SLC7A6: variants seen among roughly 807,000 people sequenced by gnomAD.
SLC7A6 encodes the protein Y+L amino acid transporter 2.
Under a neutral mutation model 46.6 loss-of-function variants are expected in SLC7A6, and 29 were observed. The ratio of observed to expected loss-of-function variants is 0.62; its 90% CI spans 0.46 to 0.85. SLC7A6 has a LOEUF of 0.85. SLC7A6 is among the 40% of genes least tolerant of loss of function. SLC7A6 has a pLI of 0.00. For synonymous variants in SLC7A6, 276 were observed against 257.3 expected, an observed-to-expected ratio of 1.07 and a Z score of -0.70; for missense variants, 527 against 647.6, an observed-to-expected ratio of 0.81 and a Z score of 2.02.
Position 68,287,205 on chromosome 16 carries a change from T to C in SLC7A6, c.524-541T>C, listed in dbSNP as rs1016361151. ...GTTGCCCAGGCTGGTCTCTAACTCC[T>C]GGGCTCACATGATCCATCTGCCTCA... is the stretch of plus-strand genomic sequence containing the variant. On this transcript the variant is annotated intron_variant, in intron 3 of 10. Coordinates refer to ENST00000219343, the MANE Select transcript of SLC7A6 (RefSeq NM_003983.6). 1.3e-5 allele frequency: 9 copies of C among 691,636 alleles called. No homozygotes were observed. In the Admixed American group the frequency reaches 2.8e-4, roughly 21 times the overall value. 42.8% of individuals were successfully genotyped at this position (691,636 alleles called of 1,614,324 possible).
Position 68,296,745 on chromosome 16 carries a change from C to T in SLC7A6, c.1388C>T (p.Pro463Leu), listed in dbSNP as rs2043177083. ...ATCGGGATTGCCCTTTCTGGAGTCCCTTTCTACTTCATGGGTGTTTACCTG... is the reference window on the plus strand; with the variant it reads ...ATCGGGATTGCCCTTTCTGGAGTCCTTTTCTACTTCATGGGTGTTTACCTG... Reference protein sequence around the residue: ...IGIGIALSGVPFYFMGVYLPE... With the variant: ...IGIGIALSGVLFYFMGVYLPE... Residue 463 changes from proline to leucine, a missense_variant, in exon 10 of 11, where the codon CCT becomes CTT. Coordinates refer to ENST00000219343, the MANE Select transcript of SLC7A6 (RefSeq NM_003983.6). The T allele has an allele frequency of 6.2e-7, 1 of 1,614,102 alleles. No homozygotes were observed. Among genetic ancestry groups the T allele is most frequent in the Non-Finnish European group, 8.5e-7 (1 of 1,180,034 alleles).
At chr16:68,284,713 A>C (rs1408158121) in intron 3 of SLC7A6, 1 of 851,294 alleles carries the variant, frequency 1.2e-6, no homozygotes, top group Non-Finnish European at 1.4e-6. Context: ...CCAGAAGCAC[A>C]GTTAGCACTG....
Position 68,297,294 on chromosome 16 carries a change from C to A in SLC7A6, c.1514C>A (p.Ala505Asp). 1.2e-6 allele frequency: 2 copies of A among 1,613,386 alleles called. No homozygotes were observed. Among genetic ancestry groups the A allele is most frequent in the Non-Finnish European group, 1.7e-6 (2 of 1,179,738 alleles). The part of the protein sequence containing the change: ...CFCVLTELDV[A>D]EEKKDERKTD The stretch of plus-strand genomic sequence containing the variant: ...TGTGTCCTGACTGAGCTTGATGTAG[C>A]CGAAGAAAAAAAGGATGAGAGGAAA... The change falls in exon 11 of 11, where the codon GCC becomes GAC. Residue 505 changes from alanine (A) to aspartate (D), a missense_variant. Coordinates refer to ENST00000219343, the MANE Select transcript of SLC7A6 (RefSeq NM_003983.6).
intron 2 of SLC7A6, among the ~76,000 whole-genome samples, chr16:68,272,083 G>A (rs781495051): frequency 2.0e-5 from 3 of 152,142 alleles, no homozygotes; most frequent in Admixed American, 1.3e-4. Flanking sequence ...GATTACAGGC[G>A]TGAGCCACTG....
Position 68,301,464 on chromosome 16 carries a change from C to T in SLC7A6, c.*4136C>T. On this transcript the variant is annotated 3_prime_UTR_variant, in exon 11 of 11. Coordinates refer to ENST00000219343, the MANE Select transcript of SLC7A6 (RefSeq NM_003983.6). ...TGATTTTCCTAGGCTACTGCAGGAGCCCCTTCTCTTCTCAGAAAGGTCTGT... is the reference window on the plus strand; with the variant it reads ...TGATTTTCCTAGGCTACTGCAGGAGTCCCTTCTCTTCTCAGAAAGGTCTGT... 11 of 1,496,366 alleles carry T rather than the reference C, an allele frequency of 7.4e-6. No individual in the cohort carries two copies. Among genetic ancestry groups the T allele is most frequent in the South Asian group, 6.0e-5 (5 of 83,682 alleles). The allele number at this position is 1,496,366 out of a possible 1,614,324, so 92.7% of individuals were successfully genotyped here.
intron 3 of SLC7A6, among the ~76,000 whole-genome samples, chr16:68,283,850 C>T (rs2042875048): frequency 6.6e-6 from 1 of 152,172 alleles, no homozygotes; most frequent in Non-Finnish European, 1.5e-5. Context: ...CTTTAAGGCC[C>T]AGTTGTTGAC....
At chr16:68,272,297 G>A (rs899140701) in intron 2 of SLC7A6, among the ~76,000 whole-genome samples, 1 of 152,088 alleles carries the variant, frequency 6.6e-6, no homozygotes, top group Non-Finnish European at 1.5e-5. Context: ...GGGCATGGTG[G>A]CAAGCACCTT....
At position 68,291,762 on chromosome 16, in the gene SLC7A6, GGTGTGTGTGTGTGTGT is replaced by G. The variant is rs10525504; in HGVS notation, c.1022+124_1022+139del. ...TTCCCTCCTTCTCATGGGCATATAG[GGTGTGTGTGTGTGTGT>G]GTGTGTGTGTGTGTGTGTGTGTTTG... On this transcript the variant is annotated intron_variant, in intron 7 of 10. Transcript: ENST00000219343. 4,382 of 547,934 alleles carry G rather than the reference GGTGTGTGTGTGTGTGT, an allele frequency of 8.0e-3. 114 individuals are homozygous for G. Among genetic ancestry groups the G allele is most frequent in the African/African-American group, 0.078 (3,650 of 46,708 alleles). 33.9% of individuals were successfully genotyped at this position (547,934 alleles called of 1,614,324 possible). A position where few individuals can be genotyped will look rare whatever the true frequency, so the allele number is the denominator to read the frequency against.
chr16:68,294,581 T>G, intron 7 of SLC7A6, 124 bp from the exon 8 acceptor site: 1 of 711,752 alleles, frequency 1.4e-6, no homozygotes, highest in Middle Eastern at 4.0e-4. Context: ...GGACCTGGGA[T>G]GCTCCTGGGA....
At position 68,287,780 on chromosome 16, in the gene SLC7A6, GT is replaced by G. The variant is rs1418054723; in HGVS notation, c.559del (p.Trp187GlyfsTer15). 1 of 1,614,208 alleles carries G rather than the reference GT, an allele frequency of 6.2e-7. No individual in the cohort carries two copies. Among genetic ancestry groups the G allele is most frequent in the Admixed American group, 1.7e-5 (1 of 60,032 alleles). On this transcript the variant is annotated frameshift_variant, in exon 4 of 11. Coordinates refer to ENST00000219343, the MANE Select transcript of SLC7A6 (RefSeq NM_003983.6). LOFTEE classifies it high-confidence loss of function. The part of the protein sequence containing the change: ...LTFVNCAYVK[W>X]GTRVQDTFTY... ...CATTTGTGAACTGTGCCTATGTCAA[GT>G]GGGGCACACGTGTGCAGGACACGTT... is the stretch of plus-strand genomic sequence containing the variant.
At chr16:68,281,637 G>A (rs922183607) in intron 3 of SLC7A6, among the ~76,000 whole-genome samples, 2 of 152,168 alleles carry the variant, frequency 1.3e-5, no homozygotes, top group Admixed American at 1.3e-4. Context: ...AGAAATGTTG[G>A]TTCTTGAGGT....
rs1047615734 is a variant in SLC7A6 at position 68,275,384 on chromosome 16, T to G, written c.523+135T>G. On this transcript the variant is annotated intron_variant, in intron 3 of 10. Coordinates refer to ENST00000219343, the MANE Select transcript of SLC7A6 (RefSeq NM_003983.6). ...GCTGAGGCGGGCGGATCACCTGAGG[T>G]TGGGAGTTCGAGACCAGCCTGACCA... is the stretch of plus-strand genomic sequence containing the variant. 6 of 1,108,772 alleles carry G rather than the reference T, an allele frequency of 5.4e-6. No individual in the cohort carries two copies. The Admixed American group carries it at 1.2e-4, about 23-fold the overall frequency. 68.7% of individuals were successfully genotyped at this position (1,108,772 alleles called of 1,614,324 possible).
intron 3 of SLC7A6, among the ~76,000 whole-genome samples, chr16:68,277,316 T>TTTTTTTTATTTATTTATTTA (rs1555530677): frequency 2.2e-5 from 3 of 135,886 alleles, no homozygotes; most frequent in African/African-American, 8.5e-5. Context: ...AGAAGAGTAC[T>TTTTTTTTATTTATTTATTTA]TTTATTTATT....
At chr16:68,281,485 G>A (rs750687547) in intron 3 of SLC7A6, among the ~76,000 whole-genome samples, 2 of 152,192 alleles carry the variant, frequency 1.3e-5, no homozygotes, top group Non-Finnish European at 2.9e-5. Flanking sequence ...TAGTGCTGAG[G>A]TTGAGAAACT....
intron 3 of SLC7A6, among the ~76,000 whole-genome samples, chr16:68,283,595 C>CGGGAAAA (rs2042870089): frequency 6.6e-6 from 1 of 151,768 alleles, no homozygotes; most frequent in Non-Finnish European, 1.5e-5. Flanking sequence ...AAGGGAAGAA[C>CGGGAAAA]AGATAGAGGA....
Position 68,300,609 on chromosome 16 carries a change from ACTTT to A in SLC7A6, c.*3285_*3288del. 1 of 984,382 alleles carries A rather than the reference ACTTT, an allele frequency of 1.0e-6. No individual in the cohort carries two copies. The highest frequency in any genetic ancestry group is 1.2e-6 in the Non-Finnish European group (1 of 828,966). The allele number at this position is 984,382 out of a possible 1,614,324, so 61.0% of individuals were successfully genotyped here. A position where few individuals can be genotyped will look rare whatever the true frequency, so the allele number is the denominator to read the frequency against. On this transcript the variant is annotated 3_prime_UTR_variant, in exon 11 of 11. Coordinates refer to ENST00000219343, the MANE Select transcript of SLC7A6 (RefSeq NM_003983.6). Reference sequence around the variant, plus strand: ...AGATTTAAAAGGTTTTCAAAGAATTACTTTCTTCCATGTTCAAAGCTAGATTTTA... The same window carrying A: ...AGATTTAAAAGGTTTTCAAAGAATTACTTCCATGTTCAAAGCTAGATTTTA...
At chr16:68,287,564 T>C (rs1489300717) in intron 3 of SLC7A6, 182 bp from the exon 4 acceptor site, 2 of 1,459,986 alleles carry the variant, frequency 1.4e-6, no homozygotes, top group East Asian at 5.0e-5. Flanking sequence ...GAAGTGCCTG[T>C]GTGCTGTCAG....
At position 68,300,522 on chromosome 16, in the gene SLC7A6, C is replaced by T. The variant is rs78795511; in HGVS notation, c.*3194C>T. The T allele has an allele frequency of 3.3e-4, 255 of 773,370 alleles. 2 individuals carry two copies. In the African/African-American group the frequency reaches 4.5e-3, roughly 14 times the overall value. The allele number at this position is 773,370 out of a possible 1,614,324, so 47.9% of individuals were successfully genotyped here. On this transcript the variant is annotated 3_prime_UTR_variant, in exon 11 of 11. Coordinates refer to ENST00000219343, the MANE Select transcript of SLC7A6 (RefSeq NM_003983.6). The stretch of plus-strand genomic sequence containing the variant: ...TGTTTTTCCTCCCTTGCCTTAAGTC[C>T]TTGGTATTTATAATCAATGCTGAAC...
chr16:68,275,589 C>CT (rs1410989778), intron 3 of SLC7A6, among the ~76,000 whole-genome samples: 2 of 100,824 alleles, frequency 2.0e-5, no homozygotes, highest in Non-Finnish European at 3.8e-5. Context: ...GAGCAAAACT[C>CT]TGTCTCCAAA....
Sources: allele counts gnomAD v4.1 joint callset (sites outside exome capture counted in the v4.1 genomes callset), GRCh38; gene constraint gnomAD v4.1.1; transcripts MANE v1.5; gene names NCBI Gene and HGNC (gene_info 2026-07-23, HGNC 2026-07-21).